Variants in DNMBP observed in about 807,000 individuals in gnomAD.
DNMBP encodes the protein dynamin binding protein.
A neutral mutation model predicts 150.0 loss-of-function variants in DNMBP; 87 were observed. That is an observed-to-expected ratio of 0.58 (90% confidence interval 0.49 to 0.69). DNMBP has a LOEUF of 0.69. Among genes scored for constraint, DNMBP ranks in the 30% least tolerant of loss-of-function variants. The pLI is 0.00. For missense variants in DNMBP, 1,774 were observed against 1,949.0 expected (o/e 0.91, Z 1.69); for synonymous variants, 711 against 750.4 (o/e 0.95, Z 0.86).
intron 1 of DNMBP, among the ~76,000 whole-genome samples, chr10:99,974,047 G>A (rs528183485): frequency 1.3e-5 from 2 of 152,160 alleles, no homozygotes; most frequent in African/African-American, 2.4e-5. Context: ...CTAGCACTTC[G>A]GGAGACTAAG....
intron 1 of DNMBP, among the ~76,000 whole-genome samples, chr10:100,000,003 C>T (rs2040992368): frequency 6.6e-6 from 1 of 152,202 alleles, no homozygotes; most frequent in African/African-American, 2.4e-5. Flanking sequence ...GCCTCAAGAA[C>T]ACCATTATGG....
chr10:99,970,337 G>T (rs560379071), intron 2 of DNMBP, among the ~76,000 whole-genome samples: 1 of 152,258 alleles, frequency 6.6e-6, no homozygotes, highest in East Asian at 1.9e-4. Flanking sequence ...ATGTGGTGTG[G>T]GAAAAGCTTC....
intron 16 of DNMBP, among the ~76,000 whole-genome samples, chr10:99,879,084 C>CGAAAAAAAAAAA (rs761402438): frequency 1.6e-5 from 1 of 62,404 alleles, no homozygotes; most frequent in Non-Finnish European, 2.8e-5. Flanking sequence ...GACTCTGTCT[C>CGAAAAAAAAAAA]AAAAAAAAAA....
At chr10:99,999,272 A>G (rs1343630657) in intron 1 of DNMBP, among the ~76,000 whole-genome samples, 1 of 152,246 alleles carries the variant, frequency 6.6e-6, no homozygotes, top group African/African-American at 2.4e-5. Flanking sequence ...AGGTAAACAG[A>G]CATGAGTTTG....
intron 4 of DNMBP, chr10:99,914,149 A>T (rs2039935829): frequency 1.5e-6 from 2 of 1,293,110 alleles, no homozygotes; most frequent in Non-Finnish European, 2.0e-6. Flanking sequence ...GCTTGTCCTA[A>T]AGGATGGAGC....
At position 99,886,529 on chromosome 10, in the gene DNMBP, T is replaced by G. The variant is rs768602772; in HGVS notation, c.3389A>C (p.Asp1130Ala). ...TGCCCGTTCTGTACAGTTATAGAAG[T>G]CCAGGAGCTTGTCAAAGCGTTTCTG... ...LVQKRFDKLL[D>A]FYNCTERAEK... Residue 1130 changes from aspartate (D) to alanine (A), a missense_variant, in exon 13 of 17, where the codon GAC (aspartate) becomes GCC (alanine). Coordinates refer to ENST00000324109, the MANE Select transcript of DNMBP (RefSeq NM_015221.4). 1.1e-5 allele frequency: 17 copies of G among 1,614,158 alleles called. No individual in the cohort carries two copies. The highest frequency in any genetic ancestry group is 1.4e-5 in the Non-Finnish European group (17 of 1,180,032).
chr10:99,886,232 A>G, intron 13 of DNMBP, 68 bp downstream of exon 13: 1 of 1,360,736 alleles, frequency 7.3e-7, no homozygotes, highest in South Asian at 1.3e-5. Context: ...CCATGCTACC[A>G]TTTTTCCCAG....
chr10:99,894,217 C>T (rs1300993577), intron 11 of DNMBP, among the ~76,000 whole-genome samples: 2 of 152,126 alleles, frequency 1.3e-5, no homozygotes, highest in African/African-American at 4.8e-5. Context: ...CTGCACTGAG[C>T]TATGATGGCA....
At position 99,955,977 on chromosome 10, in the gene DNMBP, G is replaced by A. The variant is rs2040487263; in HGVS notation, c.1497C>T (p.Leu499=). 6.2e-7 allele frequency: 1 copy of A among 1,614,174 alleles called. No individual in the cohort carries two copies. The highest frequency in any genetic ancestry group is 1.1e-5 in the South Asian group (1 of 91,088). The part of the protein sequence containing the change: ...VVKPRQSSPQ[L]HNLASYTKKH... ...TTTTAGTATAACTTGCTAGGTTGTGGAGCTGAGGACTTGATTGTCTGGGTT... is the reference window on the plus strand; with the variant it reads ...TTTTAGTATAACTTGCTAGGTTGTGAAGCTGAGGACTTGATTGTCTGGGTT... The change falls in exon 4 of 17, where the codon CTC becomes CTT. Residue 499 remains leucine, a synonymous_variant. Transcript: ENST00000324109.
chr10:100,002,075 A>G (rs781076053), intron 1 of DNMBP, among the ~76,000 whole-genome samples: 7 of 152,174 alleles, frequency 4.6e-5, no homozygotes, highest in Non-Finnish European at 8.8e-5. Context: ...CAAAATGAAC[A>G]TGAGTTAATG....
intron 3 of DNMBP, among the ~76,000 whole-genome samples, chr10:99,962,965 T>C (rs1347078553): frequency 2.0e-5 from 3 of 152,244 alleles, no homozygotes; most frequent in African/African-American, 7.2e-5. Context: ...TATTGGTTAT[T>C]TCTACACAGT....
chr10:99,960,647 A>G (rs544314055), intron 3 of DNMBP, among the ~76,000 whole-genome samples: 11 of 152,144 alleles, frequency 7.2e-5, no homozygotes, highest in Admixed American at 2.6e-4. Context: ...TGTCTACTAA[A>G]AATACAAAAT....
chr10:99,965,539 C>T lies in DNMBP; in HGVS notation c.268+3576G>A, dbSNP rs9732602. Among the ~76,000 whole-genome samples, 1,240 of 149,966 alleles carry T rather than the reference C, an allele frequency of 8.3e-3. 16 individuals carry two copies. The highest frequency in any genetic ancestry group is 0.045 in the Middle Eastern group (13 of 292). On this transcript the variant is annotated intron_variant, in intron 3 of 16. Transcript: ENST00000324109. ...TGAGATGGAGTTTCGCTCTTGTTGC[C>T]CAGGCTGGACTGCAGTGGCGCAATC... is the stretch of plus-strand genomic sequence containing the variant.
At chr10:99,908,373 G>A (rs566595574) in intron 5 of DNMBP, among the ~76,000 whole-genome samples, 12 of 152,248 alleles carry the variant, frequency 7.9e-5, no homozygotes, top group Middle Eastern at 3.4e-3. Flanking sequence ...ATTCCCACCC[G>A]CAACCAACAT....
At chr10:99,899,266 T>C (rs1489997104) in intron 7 of DNMBP, among the ~76,000 whole-genome samples, 1 of 151,922 alleles carries the variant, frequency 6.6e-6, no homozygotes, top group African/African-American at 2.4e-5. Flanking sequence ...CATATATCTT[T>C]ATACCTTGCT....
At chr10:99,894,192 C>A (rs920421359) in intron 11 of DNMBP, among the ~76,000 whole-genome samples, 1 of 152,014 alleles carries the variant, frequency 6.6e-6, no homozygotes, top group African/African-American at 2.4e-5. Flanking sequence ...ATTGCTTGAG[C>A]CCAGGACTTG....
intron 3 of DNMBP, among the ~76,000 whole-genome samples, chr10:99,968,901 G>A (rs2040647162): frequency 6.6e-6 from 1 of 152,110 alleles, no homozygotes; most frequent in Non-Finnish European, 1.5e-5. Flanking sequence ...GGTCTGTGCT[G>A]AGGATCAAAT....
intron 1 of DNMBP, 29 bp downstream of exon 1, chr10:100,009,809 C>T (rs1367019276): frequency 1.3e-5 from 2 of 149,078 alleles, no homozygotes; most frequent in Non-Finnish European, 3.0e-5. Context: ...CCGGCCCCCG[C>T]CCGGCTCCGG....
At chr10:99,969,676 T>C (rs147038406) in intron 2 of DNMBP, among the ~76,000 whole-genome samples, 8 of 152,220 alleles carry the variant, frequency 5.3e-5, no homozygotes, top group Non-Finnish European at 8.8e-5. Context: ...ATGAAAACAA[T>C]AGCATTTGAA....
Sources: allele counts gnomAD v4.1 joint callset (sites outside exome capture counted in the v4.1 genomes callset), GRCh38; gene constraint gnomAD v4.1.1; transcripts MANE v1.5; gene names NCBI Gene and HGNC (gene_info 2026-07-23, HGNC 2026-07-21).